Variants in KIF26B observed in about 807,000 individuals in gnomAD.
KIF26B encodes the protein kinesin-like protein KIF26B.
In KIF26B, 63 loss-of-function variants were observed where a neutral mutation model predicts 151.2. The observed-to-expected ratio is 0.42, with a 90% confidence interval of 0.34 to 0.51. The LOEUF is 0.51. Among genes scored for constraint, KIF26B ranks in the 20% least tolerant of loss-of-function variants. KIF26B has a pLI of 0.07. For missense variants in KIF26B, 2,813 were observed against 2,913.6 expected (o/e 0.97, Z 0.79); for synonymous variants, 1,357 against 1,262.1 (o/e 1.08, Z -1.59).
intron 2 of KIF26B, among the ~76,000 whole-genome samples, chr1:245,158,838 TTGTG>T (rs10656316): frequency 1.1e-3 from 161 of 149,046 alleles, no homozygotes; most frequent in African/African-American, 3.8e-3. Flanking sequence ...TGAATAATAA[TTGTG>T]TGTGTGTGTG....
intron 2 of KIF26B, among the ~76,000 whole-genome samples, chr1:245,190,467 A>G (rs1174879547): frequency 1.3e-5 from 2 of 152,088 alleles, no homozygotes; most frequent in Non-Finnish European, 2.9e-5. Context: ...CCATTAGCAC[A>G]TCCCACAAGC....
At chr1:245,660,459 T>C (rs2044123818) in intron 10 of KIF26B, among the ~76,000 whole-genome samples, 1 of 150,918 alleles carries the variant, frequency 6.6e-6, no homozygotes, top group African/African-American at 2.4e-5. Flanking sequence ...CACCTCAGCA[T>C]CCTGAGTAGC....
intron 2 of KIF26B, among the ~76,000 whole-genome samples, chr1:245,273,318 T>C (rs959231629): frequency 2.0e-5 from 3 of 151,354 alleles, no homozygotes; most frequent in African/African-American, 7.3e-5. Flanking sequence ...CTTGGGAGGC[T>C]GAGGCCAGAG....
chr1:245,364,506 T>C (rs1265282529), intron 2 of KIF26B, among the ~76,000 whole-genome samples: 1 of 148,708 alleles, frequency 6.7e-6, no homozygotes, highest in East Asian at 2.0e-4. Context: ...GGCTCACCTC[T>C]GCCTCCCGTG....
intron 10 of KIF26B, among the ~76,000 whole-genome samples, chr1:245,649,389 G>A (rs2043989262): frequency 6.6e-6 from 1 of 152,190 alleles, no homozygotes. Context: ...TTCTCATCAA[G>A]CTCCCGAAAT....
At chr1:245,337,518 ATGTGTGTGTGTGTG>A (rs74163041) in intron 2 of KIF26B, among the ~76,000 whole-genome samples, 2,394 of 145,540 alleles carry the variant, frequency 0.016, 68 homozygotes, top group African/African-American at 0.054. Context: ...TACTTAGGAA[ATGTGTGTGTGTGTG>A]TGTGTGTGTG....
At chr1:245,482,343 C>T (rs552538244) in intron 4 of KIF26B, among the ~76,000 whole-genome samples, 5 of 151,978 alleles carry the variant, frequency 3.3e-5, no homozygotes, top group African/African-American at 9.6e-5. Context: ...CCGCCTCAGC[C>T]TCCCAAAGTG....
intron 2 of KIF26B, among the ~76,000 whole-genome samples, chr1:245,258,674 C>G (rs956145830): frequency 1.3e-5 from 2 of 152,130 alleles, no homozygotes; most frequent in African/African-American, 4.8e-5. Context: ...GCATCTGACC[C>G]GGGCCTGGGG....
intron 9 of KIF26B, among the ~76,000 whole-genome samples, chr1:245,628,035 C>T (rs1395441640): frequency 1.3e-5 from 2 of 152,184 alleles, no homozygotes; most frequent in African/African-American, 4.8e-5. Flanking sequence ...GATTCACAGC[C>T]GCATTCTACC....
chr1:245,623,583 A>G (rs2043688411), intron 9 of KIF26B, among the ~76,000 whole-genome samples: 1 of 152,230 alleles, frequency 6.6e-6, no homozygotes, highest in Non-Finnish European at 1.5e-5. Context: ...GAAATCCGAG[A>G]TGCTCCAAAT....
chr1:245,156,582 G>C lies in KIF26B; in HGVS notation c.364G>C (p.Gly122Arg). 6.5e-7 allele frequency: 1 copy of C among 1,528,204 alleles called. No individual in the cohort carries two copies. The allele number at this position is 1,528,204 out of a possible 1,614,324, so 94.7% of individuals were successfully genotyped here. The change falls in exon 2 of 15, where the codon GGC (glycine) becomes CGC (arginine). Residue 122 changes from glycine (G) to arginine (R), a missense_variant. Physicochemically the swap from Gly to Arg is moderately radical, Grantham distance 125. Transcript: ENST00000407071. Reference protein sequence around the residue: ...GSGSGGGSSPGSDRGVWCENC... With the variant: ...GSGSGGGSSPRSDRGVWCENC... The stretch of plus-strand genomic sequence containing the variant: ...CGGCAGCGGCGGCGGCTCCTCCCCC[G>C]GCTCGGACCGCGGCGTCTGGTGCGA...
At chr1:245,674,971 G>A (rs1408816894) in intron 10 of KIF26B, among the ~76,000 whole-genome samples, 1 of 152,178 alleles carries the variant, frequency 6.6e-6, no homozygotes, top group Non-Finnish European at 1.5e-5. Context: ...ACAACTGCAT[G>A]TTTGGAGGGT....
intron 2 of KIF26B, among the ~76,000 whole-genome samples, chr1:245,362,470 G>A (rs961942503): frequency 5.3e-5 from 8 of 151,566 alleles, no homozygotes; most frequent in African/African-American, 1.7e-4. Context: ...CCAGGGAGGC[G>A]GAGGTTGCAG....
chr1:245,240,093 C>T (rs978090954), intron 2 of KIF26B, among the ~76,000 whole-genome samples: 1 of 152,020 alleles, frequency 6.6e-6, no homozygotes, highest in Non-Finnish European at 1.5e-5. Context: ...CTGCTTGAAC[C>T]CGGGAGGCGG....
chr1:245,539,087 A>G (rs1297609405), intron 4 of KIF26B, among the ~76,000 whole-genome samples: 1 of 152,140 alleles, frequency 6.6e-6, no homozygotes, highest in East Asian at 1.9e-4. Context: ...ATCATCCTAC[A>G]ATAGGGTGAC....
intron 2 of KIF26B, among the ~76,000 whole-genome samples, chr1:245,198,772 C>T (rs1669236239): frequency 6.6e-6 from 1 of 151,136 alleles, no homozygotes; most frequent in African/African-American, 2.4e-5. Context: ...TTGTTATTTA[C>T]AGTCAGGGTG....
rs1337959812 is a variant in KIF26B at position 245,602,028 on chromosome 1, C to A, written c.1351-549C>A. Reference sequence around the variant, plus strand: ...CCCAAATAACACGTCGCAGACCAGTCTTTTATCACTGTTGCCCCTTGGAAC... The same window carrying A: ...CCCAAATAACACGTCGCAGACCAGTATTTTATCACTGTTGCCCCTTGGAAC... On this transcript the variant is annotated intron_variant, in intron 5 of 14. Transcript: ENST00000407071. The surrounding 1 kb of genome is among the most constrained non-coding windows in gnomAD (Gnocchi z 4.5). 6.6e-6 allele frequency among the ~76,000 whole-genome samples: 1 copy of A among 152,216 alleles called. No homozygotes were observed. The highest frequency in any genetic ancestry group is 2.1e-4 in the South Asian group (1 of 4,836).
At chr1:245,175,195 G>A (rs1668781529) in intron 2 of KIF26B, among the ~76,000 whole-genome samples, 1 of 152,138 alleles carries the variant, frequency 6.6e-6, no homozygotes, top group Non-Finnish European at 1.5e-5. Flanking sequence ...CCCAGATTCA[G>A]CATAGTGACC....
At chr1:245,231,044 C>A (rs993971444) in intron 2 of KIF26B, among the ~76,000 whole-genome samples, 1 of 151,464 alleles carries the variant, frequency 6.6e-6, no homozygotes, top group Non-Finnish European at 1.5e-5. Context: ...TCAGATTCTA[C>A]TGAAAAAAAT....
Sources: allele counts gnomAD v4.1 joint callset (sites outside exome capture counted in the v4.1 genomes callset), GRCh38; gene constraint gnomAD v4.1.1; non-coding constraint Gnocchi (gnomAD v3.1); transcripts MANE v1.5; gene names NCBI Gene and HGNC (gene_info 2026-07-23, HGNC 2026-07-21).